Variants in CNBD1 observed in about 807,000 individuals in gnomAD.
CNBD1 encodes cyclic nucleotide-binding domain-containing protein 1.
In CNBD1, 71 loss-of-function variants were observed where a neutral mutation model predicts 54.4. The ratio of observed to expected loss-of-function variants is 1.30; its 90% CI spans 1.08 to 1.59. The LOEUF is 1.59. Among genes scored for constraint, CNBD1 ranks in the 40% most tolerant of loss-of-function variants. The probability of loss-of-function intolerance (pLI) is 0.00; values close to 1 mark genes in which losing one functional copy is unlikely to be tolerated. For synonymous variants in CNBD1, 182 were observed against 170.7 expected (o/e 1.07, Z -0.51); for missense variants, 659 against 518.0 (o/e 1.27, Z -2.64).
At chr8:87,402,925 A>G (rs992122312) in intron 2 of CNBD1, among the ~76,000 whole-genome samples, 2 of 152,078 alleles carry the variant, frequency 1.3e-5, no homozygotes, top group African/African-American at 4.8e-5. Flanking sequence ...CAAGCACACA[A>G]GCATACTTAG....
chr8:87,364,359 T>C (rs2130940123), intron 10 of CNBD1, among the ~76,000 whole-genome samples: 1 of 152,060 alleles, frequency 6.6e-6, no homozygotes, highest in African/African-American at 2.4e-5. Flanking sequence ...TGTTTGTTTA[T>C]TTTGTAAGAA....
chr8:87,073,756 C>T (rs556818990), intron 4 of CNBD1, among the ~76,000 whole-genome samples: 2 of 152,104 alleles, frequency 1.3e-5, no homozygotes, highest in South Asian at 4.1e-4. Flanking sequence ...CTGGAGGCCC[C>T]CAATGAGAGG....
intron 8 of CNBD1, among the ~76,000 whole-genome samples, chr8:87,303,536 G>A (rs62528136): frequency 5.9e-4 from 89 of 151,948 alleles, no homozygotes; most frequent in East Asian, 1.6e-3. Flanking sequence ...TAAAAACCCT[G>A]GAAGAAAACC....
At chr8:87,272,121 G>C (rs1403995747) in intron 6 of CNBD1, among the ~76,000 whole-genome samples, 1 of 151,896 alleles carries the variant, frequency 6.6e-6, no homozygotes, top group Non-Finnish European at 1.5e-5. Context: ...AAGAGAGGTT[G>C]ATTAATGGGT....
intron 2 of CNBD1, among the ~76,000 whole-genome samples, chr8:86,898,046 CAT>C (rs903247022): frequency 6.6e-6 from 1 of 152,092 alleles, no homozygotes; most frequent in Non-Finnish European, 1.5e-5. Context: ...AAAAGAATGA[CAT>C]ATCTATTTGT....
At chr8:87,064,963 A>G (rs1810619175) in intron 4 of CNBD1, among the ~76,000 whole-genome samples, 1 of 151,980 alleles carries the variant, frequency 6.6e-6, no homozygotes, top group Admixed American at 6.6e-5. Flanking sequence ...CTTATCCTCT[A>G]GATGTTTCAT....
chr8:87,286,814 C>T (rs1808709295), intron 8 of CNBD1, 143 bp downstream of exon 8: 2 of 664,532 alleles, frequency 3.0e-6, no homozygotes, highest in South Asian at 1.9e-5. Context: ...TTGAATTGGA[C>T]ATTTAGATTA....
At chr8:87,056,429 A>C (rs1810418222) in intron 4 of CNBD1, among the ~76,000 whole-genome samples, 2 of 152,208 alleles carry the variant, frequency 1.3e-5, no homozygotes, top group African/African-American at 2.4e-5. Flanking sequence ...TAGCATTGAC[A>C]CTCATATTAA....
intron 3 of CNBD1, among the ~76,000 whole-genome samples, chr8:86,921,562 G>A (rs1809276065): frequency 6.6e-6 from 1 of 152,086 alleles, no homozygotes; most frequent in African/African-American, 2.4e-5. Flanking sequence ...TGATCATGGT[G>A]GAAGATCAAG....
chr8:87,145,069 T>A (rs987057757), intron 4 of CNBD1, among the ~76,000 whole-genome samples: 1 of 152,148 alleles, frequency 6.6e-6, no homozygotes, highest in Non-Finnish European at 1.5e-5. Flanking sequence ...TAATGGGTGA[T>A]GATATTCCAG....
At chr8:86,907,088 G>A (rs1809028814) in intron 3 of CNBD1, among the ~76,000 whole-genome samples, 1 of 152,204 alleles carries the variant, frequency 6.6e-6, no homozygotes, top group South Asian at 2.1e-4. Flanking sequence ...AGTTTCCTCT[G>A]TATCTCTGCC....
chr8:87,414,548 G>A (rs1023752132), intron 2 of CNBD1, among the ~76,000 whole-genome samples: 1 of 151,458 alleles, frequency 6.6e-6, no homozygotes, highest in Non-Finnish European at 1.5e-5. Flanking sequence ...AAATTAATAT[G>A]TACTGGATAT....
chr8:87,309,602 C>T (rs530887479), intron 8 of CNBD1, among the ~76,000 whole-genome samples: 1 of 152,144 alleles, frequency 6.6e-6, no homozygotes, highest in South Asian at 2.1e-4. Context: ...TGTAGACTTC[C>T]ATAAACAAAA....
chr8:86,936,580 A>C (rs1016897538), intron 3 of CNBD1, among the ~76,000 whole-genome samples: 17 of 152,034 alleles, frequency 1.1e-4, no homozygotes, highest in Non-Finnish European at 2.2e-4. Context: ...CTCTACTAAA[A>C]ATGCAAAAAA....
intron 4 of CNBD1, among the ~76,000 whole-genome samples, chr8:86,960,345 C>T (rs537469770): frequency 5.3e-5 from 8 of 152,174 alleles, no homozygotes; most frequent in African/African-American, 1.7e-4. Flanking sequence ...TATCCCGCTC[C>T]TGGCTCAGAG....
At chr8:87,275,821 A>AC (rs1808467416) in intron 6 of CNBD1, among the ~76,000 whole-genome samples, 1 of 151,448 alleles carries the variant, frequency 6.6e-6, no homozygotes, top group African/African-American at 2.4e-5. Flanking sequence ...TATCTAGAAA[A>AC]CCCCATTGTC....
chr8:87,315,777 C>A (rs1418490877), intron 8 of CNBD1, among the ~76,000 whole-genome samples: 1 of 151,964 alleles, frequency 6.6e-6, no homozygotes, highest in African/African-American at 2.4e-5. Flanking sequence ...GAAGGAATAT[C>A]TCAGCGTTTG....
chr8:87,071,086 T>C (rs1810751091), intron 4 of CNBD1, among the ~76,000 whole-genome samples: 1 of 152,124 alleles, frequency 6.6e-6, no homozygotes, highest in Admixed American at 6.5e-5. Flanking sequence ...AAAGAACTTC[T>C]GTGGAATGAC....
At chr8:87,023,257 G>A (rs1809526891) in intron 4 of CNBD1, among the ~76,000 whole-genome samples, 1 of 150,312 alleles carries the variant, frequency 6.7e-6, no homozygotes, top group Non-Finnish European at 1.5e-5. Flanking sequence ...GGCTCCTAAA[G>A]CAGACTTGAT....
Sources: allele counts gnomAD v4.1 joint callset (sites outside exome capture counted in the v4.1 genomes callset), GRCh38; gene constraint gnomAD v4.1.1; transcripts MANE v1.5; gene names NCBI Gene and HGNC (gene_info 2026-07-23, HGNC 2026-07-21).